Variants in FA2H observed in about 807,000 individuals in gnomAD.
The protein encoded by FA2H is fatty acid 2-hydroxylase, also known as fatty acid alpha-hydroxylase.
Under a neutral mutation model 44.9 loss-of-function variants are expected in FA2H, and 22 were observed. That is an observed-to-expected ratio of 0.49 (90% CI 0.35 to 0.70). The LOEUF is 0.70. Ranked by LOEUF, FA2H falls within the 30% of genes least tolerant of loss-of-function variation. The probability of loss-of-function intolerance (pLI) is 0.01; values close to 1 mark genes in which losing one functional copy is unlikely to be tolerated. For synonymous variants in FA2H, 243 were observed against 213.2 expected, an observed-to-expected ratio of 1.14 and a Z score of -1.22; for missense variants, 501 against 504.9, an observed-to-expected ratio of 0.99 and a Z score of 0.07.
chr16:74,741,776 ATATATATATATAT>A (rs533449491), intron 1 of FA2H, among the ~76,000 whole-genome samples: 684 of 36,608 alleles, frequency 0.019, 8 homozygotes, highest in Non-Finnish European at 0.024. Context: ...CTGATTAAAT[ATATATATATATAT>A]ATATATATAT....
At chr16:74,738,401 G>GC (rs1962222141) in intron 2 of FA2H, among the ~76,000 whole-genome samples, 2 of 152,160 alleles carry the variant, frequency 1.3e-5, no homozygotes, top group African/African-American at 4.8e-5. Flanking sequence ...CAGTGATGGG[G>GC]CCGGGGTCAG....
intron 5 of FA2H, among the ~76,000 whole-genome samples, chr16:74,717,530 G>T (rs116207483): frequency 6.6e-6 from 1 of 152,226 alleles, no homozygotes; most frequent in Admixed American, 6.5e-5. Flanking sequence ...GCTTTCAAGC[G>T]CTGAGGTGGC....
chr16:74,715,380 C>T lies in FA2H; in HGVS notation c.1039+967G>A, dbSNP rs549517303. Reference sequence around the variant, plus strand: ...GATCATAGCTCATTGCTGCCTCAAACTCCTGGGCTCAAATGATCCTCTTGC... The same window carrying T: ...GATCATAGCTCATTGCTGCCTCAAATTCCTGGGCTCAAATGATCCTCTTGC... On this transcript the variant is annotated intron_variant, in intron 6 of 6. Coordinates refer to ENST00000219368, the MANE Select transcript of FA2H (RefSeq NM_024306.5). Among the ~76,000 whole-genome samples the T allele has an allele frequency of 2.0e-5, 3 of 152,236 alleles. No individual in the cohort carries two copies. The East Asian group carries it at 5.8e-4, about 29-fold the overall frequency.
chr16:74,764,307 T>G (rs762958977), intron 1 of FA2H, among the ~76,000 whole-genome samples: 3 of 152,044 alleles, frequency 2.0e-5, no homozygotes, highest in Admixed American at 1.3e-4. Flanking sequence ...AGCAAAGACA[T>G]GAAATCAACC....
chr16:74,719,108 C>T lies in FA2H; in HGVS notation c.666G>A (p.Gly222=). Residue 222 remains glycine (G), a synonymous_variant, in exon 5 of 7, where the codon GGG becomes GGA. Coordinates refer to ENST00000219368, the MANE Select transcript of FA2H (RefSeq NM_024306.5). ...ACTCGATGAGGCTCCAGAGGAATGT[C>T]CCCAGCATGAAGAGCCCGGGGAACA... The part of the protein sequence containing the change: ...KSMFPGLFML[G]TFLWSLIEYL... 6.2e-7 allele frequency: 1 copy of T among 1,613,906 alleles called. No homozygotes were observed. Among genetic ancestry groups the T allele is most frequent in the South Asian group, 1.1e-5 (1 of 91,078 alleles).
At chr16:74,736,587 G>C (rs1567641107) in intron 2 of FA2H, among the ~76,000 whole-genome samples, 1 of 152,246 alleles carries the variant, frequency 6.6e-6, no homozygotes, top group Non-Finnish European at 1.5e-5. Flanking sequence ...GGCAGGGACA[G>C]GGAGTTTGGG....
intron 2 of FA2H, among the ~76,000 whole-genome samples, chr16:74,729,077 C>G (rs1447115024): frequency 7.4e-6 from 1 of 135,734 alleles, no homozygotes; most frequent in African/African-American, 2.8e-5. Flanking sequence ...GTGGCACGAT[C>G]TCAGCTCACT....
At chr16:74,742,794 G>A (rs916910343) in intron 1 of FA2H, among the ~76,000 whole-genome samples, 11 of 152,144 alleles carry the variant, frequency 7.2e-5, no homozygotes, top group Admixed American at 2.0e-4. Context: ...AGCTATGATT[G>A]TGCCACAGCA....
chr16:74,722,892 T>G (rs934239587), intron 4 of FA2H, among the ~76,000 whole-genome samples: 1 of 104,254 alleles, frequency 9.6e-6, no homozygotes, highest in African/African-American at 3.9e-5. Context: ...GCATGGGCAA[T>G]AAGAGTGAAA....
intron 2 of FA2H, among the ~76,000 whole-genome samples, chr16:74,734,440 C>G (rs1597552144): frequency 1.3e-5 from 2 of 152,344 alleles, no homozygotes; most frequent in South Asian, 4.1e-4. Context: ...GGGCCGGGGC[C>G]CAGGAAGCAG....
rs1961634361 is a variant in FA2H, at chr16:74,714,084, C to A, written c.*106G>T. 4 of 734,188 alleles carry A rather than the reference C, an allele frequency of 5.4e-6. No individual in the cohort carries two copies. Among genetic ancestry groups the A allele is most frequent in the Non-Finnish European group, 9.5e-6 (4 of 421,568 alleles). The allele number at this position is 734,188 out of a possible 1,614,324, so 45.5% of individuals were successfully genotyped here. On this transcript the variant is annotated 3_prime_UTR_variant, in exon 7 of 7. Transcript: ENST00000219368. ...CTAGGCTGCAGGGCCGGACACAGCCCATCCTGCCTGGCCAAGCCAACCTTC... is the reference window on the plus strand; with the variant it reads ...CTAGGCTGCAGGGCCGGACACAGCCAATCCTGCCTGGCCAAGCCAACCTTC...
chr16:74,765,568 C>T (rs1390359631), intron 1 of FA2H, among the ~76,000 whole-genome samples: 1 of 152,138 alleles, frequency 6.6e-6, no homozygotes, highest in African/African-American at 2.4e-5. Context: ...TTTATTTATT[C>T]ATTCATTCAT....
At chr16:74,766,249 A>G (rs1382441988) in intron 1 of FA2H, among the ~76,000 whole-genome samples, 3 of 152,016 alleles carry the variant, frequency 2.0e-5, no homozygotes, top group African/African-American at 7.2e-5. Context: ...CAGTGAGCTG[A>G]GATCGTGCCA....
chr16:74,726,230 G>C lies in FA2H; in HGVS notation c.608C>G (p.Thr203Arg), dbSNP rs749620420. 7.5e-6 allele frequency: 12 copies of C among 1,610,392 alleles called. No homozygotes were observed. Among genetic ancestry groups the C allele is most frequent in the African/African-American group, 5.3e-5 (4 of 74,854 alleles). ...AGGAAAGAAACTGGCATTACCTGTTGTAAATGACGTGAAGAGTCGGACGTT... is the reference window on the plus strand; with the variant it reads ...AGGAAAGAAACTGGCATTACCTGTTCTAAATGACGTGAAGAGTCGGACGTT... Reference protein sequence around the residue: ...QGNVRLFTSFTTEYTVAVPKS... With the variant: ...QGNVRLFTSFRTEYTVAVPKS... The change falls in exon 4 of 7, where the codon ACA becomes AGA. Residue 203 changes from threonine (T) to arginine (R), a missense_variant. By Grantham distance (71) the Thr-to-Arg change is moderately conservative. Coordinates refer to ENST00000219368, the MANE Select transcript of FA2H (RefSeq NM_024306.5).
intron 1 of FA2H, among the ~76,000 whole-genome samples, chr16:74,773,425 G>T (rs534055235): frequency 2.0e-5 from 3 of 152,090 alleles, no homozygotes; most frequent in South Asian, 4.1e-4. Context: ...ATCCACTGAG[G>T]GTCTTGAAAT....
chr16:74,716,755 C>T, intron 5 of FA2H, 156 bp from the exon 6 acceptor site: 1 of 772,204 alleles, frequency 1.3e-6, no homozygotes, highest in Non-Finnish European at 2.0e-6. Flanking sequence ...GGCGGGCCAC[C>T]ACGTCTGGAA....
At chr16:74,750,302 C>T (rs574749203) in intron 1 of FA2H, among the ~76,000 whole-genome samples, 2 of 152,254 alleles carry the variant, frequency 1.3e-5, no homozygotes, top group African/African-American at 4.8e-5. Context: ...ATCTATTGCA[C>T]AACACTCCAA....
intron 4 of FA2H, among the ~76,000 whole-genome samples, chr16:74,724,259 A>G (rs1387044624): frequency 6.6e-6 from 1 of 152,128 alleles, no homozygotes; most frequent in Non-Finnish European, 1.5e-5. Flanking sequence ...TCCGGCGCAG[A>G]CTAAGGTCCT....
At chr16:74,767,109 G>C (rs1962823896) in intron 1 of FA2H, among the ~76,000 whole-genome samples, 1 of 152,154 alleles carries the variant, frequency 6.6e-6, no homozygotes, top group Admixed American at 6.5e-5. Context: ...AAGAGATCAA[G>C]ATCATCCTGG....
Sources: gnomAD v4.1 joint callset for allele counts (sites outside exome capture counted in the v4.1 genomes callset) on GRCh38, gnomAD v4.1.1 for gene constraint, MANE v1.5 for transcripts, NCBI Gene and HGNC (gene_info 2026-07-23, HGNC 2026-07-21) for gene names.